DAGLB: variants seen among roughly 807,000 people sequenced by gnomAD.
DAGLB encodes the protein diacylglycerol lipase-beta.
Under a neutral mutation model 72.1 loss-of-function variants are expected in DAGLB, and 66 were observed. The observed-to-expected ratio is 0.92, with a 90% CI of 0.75 to 1.12. The LOEUF (loss-of-function observed/expected upper bound fraction) is 1.12, where lower values mean the gene tolerates loss of function less well. DAGLB is among the 50% of genes most tolerant of loss of function. The pLI, the probability that DAGLB is intolerant of heterozygous loss-of-function variation, is 0.00. For synonymous variants in DAGLB, 414 were observed against 359.5 expected (o/e 1.15, Z -1.71); for missense variants, 1,065 against 884.9 (o/e 1.20, Z -2.58).
chr7:6,434,930 G>A lies in DAGLB; in HGVS notation c.510C>T (p.Pro170=), dbSNP rs752675697. 3 of 1,614,188 alleles carry A rather than the reference G, an allele frequency of 1.9e-6. No individual in the cohort carries two copies. In the South Asian group the frequency reaches 3.3e-5, roughly 18 times the overall value. The change falls in exon 4 of 15, where the codon CCC becomes CCT. Residue 170 remains proline (P), a synonymous_variant. Coordinates refer to ENST00000297056, the MANE Select transcript of DAGLB (RefSeq NM_139179.4). ...GKMAPYSSAG[P]SHLDSHDSSQ... Reference sequence around the variant, plus strand: ...TTGAATCATGACTATCCAGGTGGCTGGGGCCGGCAGAGGAATATGGAGCCA... The same window carrying A: ...TTGAATCATGACTATCCAGGTGGCTAGGGCCGGCAGAGGAATATGGAGCCA...
Position 6,422,014 on chromosome 7 carries a change from C to T in DAGLB, c.1141-210G>A, listed in dbSNP as rs141423771. The T allele has an allele frequency of 4.6e-4, 307 of 666,386 alleles. 1 individual carries two copies. Among genetic ancestry groups the T allele is most frequent in the African/African-American group, 1.8e-3 (103 of 56,094 alleles). The allele number at this position is 666,386 out of a possible 1,614,324, so 41.3% of individuals were successfully genotyped here. A position where few individuals can be genotyped will look rare whatever the true frequency, so the allele number is the denominator to read the frequency against. On this transcript the variant is annotated intron_variant, in intron 8 of 14. Coordinates refer to ENST00000297056, the MANE Select transcript of DAGLB (RefSeq NM_139179.4). ...ATGGCACGACCAGCTCTGGGCCAGG[C>T]GTGAAGGGTGGAGGGGACCATGGAG...
At position 6,447,888 on chromosome 7, in the gene DAGLB, T is replaced by C. The variant is rs1410892388; in HGVS notation, c.-46A>G. The C allele has an allele frequency of 2.6e-6, 4 of 1,555,498 alleles. No individual in the cohort carries two copies. The highest frequency in any genetic ancestry group is 4.7e-5 in the East Asian group (2 of 42,728). On this transcript the variant is annotated 5_prime_UTR_variant, in exon 1 of 15. Coordinates refer to ENST00000297056, the MANE Select transcript of DAGLB (RefSeq NM_139179.4). ...CACTCAGGAGAGACCCCGCGCGCCG[T>C]TCACCGAGAACAAACCAGCACCCTC...
intron 8 of DAGLB, among the ~76,000 whole-genome samples, chr7:6,424,429 G>A (rs1457359624): frequency 6.6e-6 from 1 of 152,134 alleles, no homozygotes; most frequent in Non-Finnish European, 1.5e-5. Context: ...AATTCCCCGG[G>A]AGGGCTCCCG....
intron 13 of DAGLB, 72 bp from the exon 14 acceptor site, chr7:6,410,452 GGCGGACCAGGCACAGGAATCT>G: frequency 1.3e-6 from 2 of 1,526,088 alleles, no homozygotes; most frequent in South Asian, 2.6e-5. Context: ...GAAACACCAA[GGCGGACCAGGCACAGGAATCT>G]GCCCTTTGAC....
At chr7:6,420,842 T>C (rs907761147) in intron 9 of DAGLB, among the ~76,000 whole-genome samples, 2 of 152,128 alleles carry the variant, frequency 1.3e-5, no homozygotes, top group Non-Finnish European at 2.9e-5. Context: ...ACAGTGAGCA[T>C]GAAACTGTAA....
intron 1 of DAGLB, among the ~76,000 whole-genome samples, chr7:6,446,779 C>T (rs1785020356): frequency 6.6e-6 from 1 of 152,052 alleles, no homozygotes; most frequent in Non-Finnish European, 1.5e-5. Context: ...GAGGCCAAGG[C>T]AGGAGGATCA....
Position 6,436,462 on chromosome 7 carries a change from G to C in DAGLB, c.319C>G (p.Pro107Ala), listed in dbSNP as rs765690817. ...LLYIRLALFFPEMVWASLGAA... is the reference protein window; with the variant it reads ...LLYIRLALFFAEMVWASLGAA... ...CCCAGAGAGGCCCAGACCATCTCTG[G>C]AAAAAACAGCGCCAGGCGGATGTAA... The change falls in exon 3 of 15, where the codon CCA becomes GCA. Residue 107 changes from proline (P) to alanine (A), a missense_variant. Physicochemically the swap from Pro to Ala is conservative, Grantham distance 27. Transcript: ENST00000297056. 1 of 1,614,002 alleles carries C rather than the reference G, an allele frequency of 6.2e-7. No individual in the cohort carries two copies.
intron 13 of DAGLB, among the ~76,000 whole-genome samples, chr7:6,411,400 T>A (rs1002461458): frequency 1.3e-5 from 2 of 152,136 alleles, no homozygotes; most frequent in Non-Finnish European, 2.9e-5. Context: ...GGCAAGCAGA[T>A]TGCTTCAGCC....
intron 4 of DAGLB, among the ~76,000 whole-genome samples, chr7:6,434,042 GGCT>G (rs1181452868): frequency 6.6e-6 from 1 of 152,094 alleles, no homozygotes; most frequent in African/African-American, 2.4e-5. Context: ...CCTCTACGGA[GGCT>G]GCTGCTATGA....
At chr7:6,424,939 GCA>G in intron 7 of DAGLB, 104 bp from the exon 8 acceptor site, 1 of 1,130,182 alleles carries the variant, frequency 8.8e-7, no homozygotes, top group Non-Finnish European at 1.3e-6. Context: ...AAGTCCTGCG[GCA>G]CAGAGAGGAG....
chr7:6,409,645 C>T lies in DAGLB; in HGVS notation c.*192G>A. ...TCCTATCACCTGAGCGTGCTCACTA[C>T]TTCTGCTACCATTATGGCCACAATG... is the stretch of plus-strand genomic sequence containing the variant. On this transcript the variant is annotated 3_prime_UTR_variant, in exon 15 of 15. Coordinates refer to ENST00000297056, the MANE Select transcript of DAGLB (RefSeq NM_139179.4). 1.4e-6 allele frequency: 1 copy of T among 707,298 alleles called. No homozygotes were observed. The highest frequency in any genetic ancestry group is 2.3e-6 in the Non-Finnish European group (1 of 435,058). The allele number at this position is 707,298 out of a possible 1,614,324, so 43.8% of individuals were successfully genotyped here. A position where few individuals can be genotyped will look rare whatever the true frequency, so the allele number is the denominator to read the frequency against.
In DAGLB at chr7:6,409,905, C is replaced by T. The variant is rs747539498; in HGVS notation, c.1951G>A (p.Val651Met). 25 of 1,613,990 alleles carry T rather than the reference C, an allele frequency of 1.5e-5. No homozygotes were observed. The highest frequency in any genetic ancestry group is 1.3e-4 in the Admixed American group (8 of 60,004). Residue 651 changes from valine (V) to methionine (M), a missense_variant, in exon 15 of 15, where the codon GTG (valine) becomes ATG (methionine). Physicochemically the swap from Val to Met is conservative, Grantham distance 21. Transcript: ENST00000297056. ...ACGCAGGCCGCTCTGTCGGAGACCA[C>T]GCTGTCCAAGGCCCGCATCAGGATG... Reference protein sequence around the residue: ...PDILMRALDSVVSDRAACVSC... With the variant: ...PDILMRALDSMVSDRAACVSC...
At chr7:6,432,607 C>A (rs1784518983) in intron 5 of DAGLB, among the ~76,000 whole-genome samples, 1 of 148,938 alleles carries the variant, frequency 6.7e-6, no homozygotes, top group South Asian at 2.1e-4. Flanking sequence ...TTGCAGTAAG[C>A]CGCGATTGTG....
intron 9 of DAGLB, among the ~76,000 whole-genome samples, chr7:6,418,410 T>C (rs1298390216): frequency 3.3e-5 from 5 of 151,482 alleles, no homozygotes; most frequent in African/African-American, 9.7e-5. Flanking sequence ...AGAAAAAAAA[T>C]AAAGCCATTC....
rs375238607 is a variant in DAGLB, at chr7:6,421,785, G to A, written c.1160C>T (p.Ser387Leu). ...CACGTCCAGCACCTCACTCTCCGCT[G>A]ACAGGTCCGTAAGGACATCCTGTAA... is the stretch of plus-strand genomic sequence containing the variant. ...MSLQDVLTDLSAESEVLDVEC... is the reference protein window; with the variant it reads ...MSLQDVLTDLLAESEVLDVEC... Residue 387 changes from serine (S) to leucine (L), a missense_variant, in exon 9 of 15, where the codon TCA (serine) becomes TTA (leucine). Transcript: ENST00000297056. 2.5e-6 allele frequency: 4 copies of A among 1,613,166 alleles called. No individual in the cohort carries two copies. Among genetic ancestry groups the A allele is most frequent in the African/African-American group, 2.7e-5 (2 of 74,926 alleles).
intron 11 of DAGLB, 96 bp from the exon 12 acceptor site, chr7:6,413,130 C>T (rs1380436889): frequency 7.6e-7 from 1 of 1,313,908 alleles, no homozygotes; most frequent in Non-Finnish European, 1.1e-6. Flanking sequence ...GGGTTAGGTT[C>T]CCAGGCCTCA....
chr7:6,447,097 T>C (rs1272154008), intron 1 of DAGLB, among the ~76,000 whole-genome samples: 4 of 152,286 alleles, frequency 2.6e-5, no homozygotes, highest in Non-Finnish European at 5.9e-5. Context: ...TCTCAGCCTC[T>C]CAATGTGCTG....
In DAGLB at chr7:6,425,980, G is replaced by A. The variant is rs372678104; in HGVS notation, c.1056+8C>T. 39 of 1,613,778 alleles carry A rather than the reference G, an allele frequency of 2.4e-5. No homozygotes were observed. The highest frequency in any genetic ancestry group is 1.7e-4 in the Middle Eastern group (1 of 6,058). On this transcript the variant is annotated splice_region_variant and intron_variant, in intron 7 of 14. Coordinates refer to ENST00000297056, the MANE Select transcript of DAGLB (RefSeq NM_139179.4). ...GAAGTGAAGAGCCGCTGTCTGCAGC[G>A]TCCACACCTTGTCATGGAAGCTGAC...
rs988915024 is a variant in DAGLB, at chr7:6,414,501, A to G, written c.1428-1467T>C. ...CTAATTTTTGTAAGGAACCGGGTCTATGTTGCCCAGGCTGGTCTCGATCTC... is the reference window on the plus strand; with the variant it reads ...CTAATTTTTGTAAGGAACCGGGTCTGTGTTGCCCAGGCTGGTCTCGATCTC... On this transcript the variant is annotated intron_variant, in intron 11 of 14. Coordinates refer to ENST00000297056, the MANE Select transcript of DAGLB (RefSeq NM_139179.4). Among the ~76,000 whole-genome samples the G allele has an allele frequency of 6.7e-5, 10 of 150,092 alleles. No individual in the cohort carries two copies. The South Asian group carries it at 1.1e-3, about 16-fold the overall frequency.
Sources: allele counts gnomAD v4.1 joint callset (sites outside exome capture counted in the v4.1 genomes callset), GRCh38; gene constraint gnomAD v4.1.1; transcripts MANE v1.5; gene names NCBI Gene and HGNC (gene_info 2026-07-23, HGNC 2026-07-21).